GIT2: variants seen among roughly 807,000 people sequenced by gnomAD.
GIT2 encodes the protein GIT ArfGAP 2.
In GIT2, 32 loss-of-function variants were observed where a neutral mutation model predicts 100.3. That is an observed-to-expected ratio of 0.32 (90% CI 0.24 to 0.43). The LOEUF is 0.43. Among genes scored for constraint, GIT2 ranks in the 20% least tolerant of loss-of-function variants. The pLI, the probability that GIT2 is intolerant of heterozygous loss-of-function variation, is 1.00. For synonymous variants in GIT2, 353 were observed against 364.1 expected (o/e 0.97, Z 0.35); for missense variants, 737 against 975.1 (o/e 0.76, Z 3.25).
chr12:109,958,249 T>A (rs1167540570), intron 12 of GIT2, among the ~76,000 whole-genome samples: 2 of 147,250 alleles, frequency 1.4e-5, no homozygotes, highest in South Asian at 2.1e-4. Flanking sequence ...TGGCCCCCAA[T>A]TTTTTTTTTT....
chr12:109,938,404 G>A lies in GIT2; in HGVS notation c.1979C>T (p.Ala660Val). Residue 660 changes from alanine (A) to valine (V), a missense_variant, in exon 18 of 20, where the codon GCA becomes GTA. Physicochemically the swap from Ala to Val is moderately conservative, Grantham distance 64. Transcript: ENST00000355312. ...ITKNIQELLRAAQENKHDSYI... is the reference protein window; with the variant it reads ...ITKNIQELLRVAQENKHDSYI... ...CCTGTCATGTTTATTTTCTTGGGCTGCTCTTAAGAGCTCCTGTATGTTTTT... is the reference window on the plus strand; with the variant it reads ...CCTGTCATGTTTATTTTCTTGGGCTACTCTTAAGAGCTCCTGTATGTTTTT... 1 of 1,613,452 alleles carries A rather than the reference G, an allele frequency of 6.2e-7. No individual in the cohort carries two copies. The highest frequency in any genetic ancestry group is 8.5e-7 in the Non-Finnish European group (1 of 1,179,596).
At chr12:109,949,022 A>G (rs1232238482) in intron 14 of GIT2, 1 of 581,524 alleles carries the variant, frequency 1.7e-6, no homozygotes, top group Non-Finnish European at 3.0e-6. Context: ...TGCCTCTTCC[A>G]CAAAAAGACC....
intron 7 of GIT2, among the ~76,000 whole-genome samples, chr12:109,970,126 C>T (rs1454432262): frequency 2.0e-5 from 3 of 152,016 alleles, no homozygotes; most frequent in East Asian, 1.9e-4. Context: ...TTTCTAGTTT[C>T]GGGGTAAGGT....
intron 1 of GIT2, among the ~76,000 whole-genome samples, chr12:109,994,075 CAAA>C (rs34393850): frequency 5.0e-5 from 3 of 59,698 alleles, no homozygotes; most frequent in Admixed American, 1.8e-4. Flanking sequence ...ACACTAATGG[CAAA>C]AAAAAAAAAA....
At chr12:109,973,894 G>A (rs1040094140) in intron 7 of GIT2, among the ~76,000 whole-genome samples, 1 of 151,126 alleles carries the variant, frequency 6.6e-6, no homozygotes, top group Non-Finnish European at 1.5e-5. Context: ...ATACAAAAAT[G>A]TGCCAGGCAT....
chr12:109,970,642 T>C (rs1883624701), intron 7 of GIT2, among the ~76,000 whole-genome samples: 1 of 152,268 alleles, frequency 6.6e-6, no homozygotes, highest in Non-Finnish European at 1.5e-5. Context: ...TCTATATGTC[T>C]ATCTCTTCAT....
chr12:109,970,426 G>A (rs1168020983), intron 7 of GIT2, among the ~76,000 whole-genome samples: 2 of 152,176 alleles, frequency 1.3e-5, no homozygotes, highest in Admixed American at 1.3e-4. Context: ...CCGGGAGGCC[G>A]AGGTTGCAGT....
At chr12:109,995,996 C>T in intron 1 of GIT2, 177 bp downstream of exon 1, 2 of 475,144 alleles carry the variant, frequency 4.2e-6, no homozygotes, top group Middle Eastern at 5.5e-4. Context: ...GGGAGGGCGG[C>T]GGCCCCCTGC....
chr12:109,976,217 T>C (rs1801816377), intron 7 of GIT2, among the ~76,000 whole-genome samples: 1 of 152,066 alleles, frequency 6.6e-6, no homozygotes, highest in African/African-American at 2.4e-5. Context: ...TTTTTTACCC[T>C]ATCCCCTTTT....
chr12:109,983,692 T>C lies in GIT2; in HGVS notation c.408A>G (p.Gln136=). The change falls in exon 5 of 20, where the codon CAA becomes CAG. Residue 136 remains glutamine, a splice_region_variant and synonymous_variant. Transcript: ENST00000355312. ...DSVTAKDLSK[Q]LHSSVRTGNL... ...TCCCTGTTCTCACGCTCGAATGGAG[T>C]TGCTGAAAAACGCAGAAACAAAAAA... The C allele has an allele frequency of 6.2e-7, 1 of 1,609,542 alleles. No homozygotes were observed. Among genetic ancestry groups the C allele is most frequent in the Non-Finnish European group, 8.5e-7 (1 of 1,176,620 alleles).
chr12:109,981,060 A>G lies in GIT2; in HGVS notation c.624-14T>C, dbSNP rs1886218458. ...TGCCCTCCTTGCCTACCAAGAGAAA[A>G]CAAAGTACCATTTATATTGCTCACT... On this transcript the variant is annotated splice_polypyrimidine_tract_variant and intron_variant, in intron 6 of 19. Transcript: ENST00000355312. 1 of 1,544,622 alleles carries G rather than the reference A, an allele frequency of 6.5e-7. No individual in the cohort carries two copies. The highest frequency in any genetic ancestry group is 9.0e-7 in the Non-Finnish European group (1 of 1,116,358).
upstream of GIT2, chr12:109,999,845 C>T (rs1418263526): frequency 7.0e-7 from 1 of 1,425,046 alleles, no homozygotes; most frequent in Non-Finnish European, 9.4e-7. The surrounding 1 kb of genome is among the most constrained non-coding windows in gnomAD (Gnocchi z 4.3). Flanking sequence ...GGGGTCGTTT[C>T]GCCTCCCTGA....
chr12:109,966,508 C>CAAA (rs749586402), intron 8 of GIT2, among the ~76,000 whole-genome samples: 785 of 69,954 alleles, frequency 0.011, 27 homozygotes, highest in African/African-American at 0.042. Flanking sequence ...GACTCTGTCT[C>CAAA]AAAAAAAAAA....
At chr12:109,992,181 C>G (rs1229721315) in intron 1 of GIT2, 1 of 127,724 alleles carries the variant, frequency 7.8e-6, no homozygotes, top group Non-Finnish European at 1.6e-5. Flanking sequence ...GAGTCTCACT[C>G]TGTCACCCAG....
At position 109,934,557 on chromosome 12, in the gene GIT2, A is replaced by AT. The variant is rs1450513417; in HGVS notation, c.2004-473dup. Among the ~76,000 whole-genome samples, 3 of 152,144 alleles carry AT rather than the reference A, an allele frequency of 2.0e-5. No homozygotes were observed. The highest frequency in any genetic ancestry group is 7.2e-5 in the African/African-American group (3 of 41,438). The stretch of plus-strand genomic sequence containing the variant: ...CGCCATGCCTGGCTGATTTTTAAAT[A>AT]TTTTTTTGTAGAGGAGTCCCACTAT... On this transcript the variant is annotated intron_variant, in intron 18 of 19. Transcript: ENST00000355312. This position sits in a 1 kb window ranked among gnomAD's most constrained non-coding sequence, Gnocchi z 4.5.
At chr12:109,976,840 C>T (rs1037525138) in intron 7 of GIT2, among the ~76,000 whole-genome samples, 1 of 152,120 alleles carries the variant, frequency 6.6e-6, no homozygotes, top group African/African-American at 2.4e-5. Context: ...CCGCCTGCCT[C>T]GGCCTGCCAA....
At chr12:109,939,049 G>A (rs1245792751) in intron 17 of GIT2, 116 bp downstream of exon 17, 4 of 688,138 alleles carry the variant, frequency 5.8e-6, no homozygotes, top group Non-Finnish European at 1.1e-5. Flanking sequence ...AAGACTTTAT[G>A]AGTCTGAAAA....
At chr12:109,963,921 G>A (rs1881648919) in intron 9 of GIT2, among the ~76,000 whole-genome samples, 1 of 152,134 alleles carries the variant, frequency 6.6e-6, no homozygotes, top group South Asian at 2.1e-4. Flanking sequence ...TAGGAAGCTT[G>A]GCAGGGCTGA....
chr12:109,971,943 G>A (rs111758241), intron 7 of GIT2, among the ~76,000 whole-genome samples: 8,099 of 150,796 alleles, frequency 0.054, 537 homozygotes, highest in African/African-American at 0.16. Context: ...GCAGTGAGCC[G>A]AGATCACACC....
Sources: allele counts gnomAD v4.1 joint callset (sites outside exome capture counted in the v4.1 genomes callset), GRCh38; gene constraint gnomAD v4.1.1; non-coding constraint Gnocchi (gnomAD v3.1); transcripts MANE v1.5; gene names NCBI Gene and HGNC (gene_info 2026-07-23, HGNC 2026-07-21).